Variants in PIEZO2 observed in about 807,000 individuals in gnomAD.
PIEZO2 encodes the protein piezo type mechanosensitive ion channel component 2.
In PIEZO2, 172 loss-of-function variants were observed where a neutral mutation model predicts 337.3. The observed-to-expected ratio is 0.51, with a 90% CI of 0.45 to 0.58. The LOEUF is 0.58. Ranked by LOEUF, PIEZO2 falls within the 20% of genes least tolerant of loss-of-function variation. The probability of loss-of-function intolerance (pLI) is 0.00; values close to 1 mark genes in which losing one functional copy is unlikely to be tolerated. For synonymous variants in PIEZO2, 1,251 were observed against 1,228.5 expected (o/e 1.02, Z -0.38); for missense variants, 3,028 against 3,391.3 (o/e 0.89, Z 2.66).
At chr18:10,798,344 A>T (rs902273837) in intron 11 of PIEZO2, among the ~76,000 whole-genome samples, 9 of 152,340 alleles carry the variant, frequency 5.9e-5, no homozygotes, top group African/African-American at 2.2e-4. Context: ...TTAGCAGCAT[A>T]AAGAGGTATA....
intron 37 of PIEZO2, among the ~76,000 whole-genome samples, chr18:10,717,663 G>T (rs1369960788): frequency 6.6e-6 from 1 of 152,172 alleles, no homozygotes; most frequent in Non-Finnish European, 1.5e-5. Flanking sequence ...ACTGTGGCTG[G>T]ACTGGCAGTT....
In PIEZO2 at chr18:10,766,976, C is replaced by T. The variant is rs1239208680; in HGVS notation, c.2946+3172G>A. ...CAAAAGTTTCCTTCCTTCCTTCCTC[C>T]CACCTTCCATTCCCTCCCCTCCCCT... On this transcript the variant is annotated intron_variant, in intron 21 of 55. Coordinates refer to ENST00000674853, the MANE Select transcript of PIEZO2 (RefSeq NM_001378183.1). The surrounding 1 kb of genome is among the most constrained non-coding windows in gnomAD (Gnocchi z 6.1). Among the ~76,000 whole-genome samples the T allele has an allele frequency of 1.3e-5, 2 of 151,220 alleles. No individual in the cohort carries two copies. Among genetic ancestry groups the T allele is most frequent in the Non-Finnish European group, 3.0e-5 (2 of 67,748 alleles).
At chr18:10,840,035 A>T (rs1237297623) in intron 7 of PIEZO2, among the ~76,000 whole-genome samples, 3 of 152,198 alleles carry the variant, frequency 2.0e-5, no homozygotes, top group Non-Finnish European at 4.4e-5. Context: ...TAATTTCATG[A>T]AATATAGCTA....
chr18:10,916,975 T>G (rs2031026958), intron 3 of PIEZO2, among the ~76,000 whole-genome samples: 1 of 152,196 alleles, frequency 6.6e-6, no homozygotes, highest in Non-Finnish European at 1.5e-5. Context: ...TGATGATGAA[T>G]TCTGGAAGCC....
intron 1 of PIEZO2, among the ~76,000 whole-genome samples, chr18:11,093,818 T>C (rs1303139077): frequency 6.6e-6 from 1 of 152,122 alleles, no homozygotes; most frequent in African/African-American, 2.4e-5. Flanking sequence ...ATCATGAAGG[T>C]AAGTAATGTT....
Position 10,815,880 on chromosome 18 carries a change from G to C in PIEZO2, c.918-8606C>G, listed in dbSNP as rs2040349033. On this transcript the variant is annotated intron_variant, in intron 7 of 55. Coordinates refer to ENST00000674853, the MANE Select transcript of PIEZO2 (RefSeq NM_001378183.1). This position sits in a 1 kb window ranked among gnomAD's most constrained non-coding sequence, Gnocchi z 4.1. ...GAGGTGGAGGCCTAGGTGATGCTTG[G>C]TCCTCTCTTACAGTTCAGTTATTCG... Among the ~76,000 whole-genome samples, 1 of 152,150 alleles carries C rather than the reference G, an allele frequency of 6.6e-6. No individual in the cohort carries two copies. The highest frequency in any genetic ancestry group is 2.4e-5 in the African/African-American group (1 of 41,428).
chr18:10,708,052 C>G (rs917393624), intron 40 of PIEZO2, among the ~76,000 whole-genome samples: 2 of 152,214 alleles, frequency 1.3e-5, no homozygotes, highest in South Asian at 4.2e-4. Context: ...TAAAGAAACT[C>G]CTAACAGACA....
chr18:11,135,004 G>A (rs1490953717), intron 1 of PIEZO2, among the ~76,000 whole-genome samples: 1 of 149,120 alleles, frequency 6.7e-6, no homozygotes, highest in African/African-American at 2.5e-5. Context: ...ACGGTGTTGT[G>A]TAATTGTTAA....
chr18:10,797,159 C>T (rs1436755125), intron 12 of PIEZO2, among the ~76,000 whole-genome samples: 4 of 151,338 alleles, frequency 2.6e-5, no homozygotes, highest in African/African-American at 9.7e-5. Context: ...TCATATTATA[C>T]ATATCATCAT....
chr18:10,755,033 T>C (rs1329891214), intron 27 of PIEZO2, among the ~76,000 whole-genome samples: 3 of 152,142 alleles, frequency 2.0e-5, no homozygotes, highest in Admixed American at 2.0e-4. Flanking sequence ...GCTATCTGTA[T>C]TGGTATATGC....
intron 11 of PIEZO2, among the ~76,000 whole-genome samples, chr18:10,798,804 T>G (rs560942312): frequency 6.6e-6 from 1 of 152,296 alleles, no homozygotes; most frequent in East Asian, 1.9e-4. Flanking sequence ...TGTGTTTGCT[T>G]CTGGTGCTCA....
At chr18:10,817,854 C>T (rs1358888124) in intron 7 of PIEZO2, among the ~76,000 whole-genome samples, 2 of 148,740 alleles carry the variant, frequency 1.3e-5, no homozygotes, top group Middle Eastern at 3.5e-3. Flanking sequence ...ACCCAGGAGG[C>T]GGAGGTTGCA....
rs2039769967 is a variant in PIEZO2, at chr18:11,112,660, A to G, written c.64+35865T>C. Among the ~76,000 whole-genome samples the G allele has an allele frequency of 6.6e-6, 1 of 152,210 alleles. No homozygotes were observed. The highest frequency in any genetic ancestry group is 6.5e-5 in the Admixed American group (1 of 15,288). On this transcript the variant is annotated intron_variant, in intron 1 of 55. Transcript: ENST00000674853. This position sits in a 1 kb window ranked among gnomAD's most constrained non-coding sequence, Gnocchi z 4.3. ...TTAGTCGTAAGTCAACAATTGCCAG[A>G]TTAGGCACAGAAACAAACCTATATA...
rs563359572 is a variant in PIEZO2 at position 10,899,907 on chromosome 18, C to T, written c.329+11279G>A. 6.5e-4 allele frequency among the ~76,000 whole-genome samples: 99 copies of T among 152,148 alleles called. 3 individuals are homozygous for T. In the South Asian group the frequency reaches 0.015, roughly 23 times the overall value. On this transcript the variant is annotated intron_variant, in intron 4 of 55. Coordinates refer to ENST00000674853, the MANE Select transcript of PIEZO2 (RefSeq NM_001378183.1). This position sits in a 1 kb window ranked among gnomAD's most constrained non-coding sequence, Gnocchi z 4.6. ...AGGATCTCATTGTCATTCATTAACT[C>T]GAAGACTGTTTATATTAGTCATAAT...
rs377597495 is a variant in PIEZO2 at position 10,761,904 on chromosome 18, C to A, written c.3249+596G>T. On this transcript the variant is annotated intron_variant, in intron 23 of 55. Coordinates refer to ENST00000674853, the MANE Select transcript of PIEZO2 (RefSeq NM_001378183.1). Reference sequence around the variant, plus strand: ...TCCACAAAAATAAAATGTGAAAAATCTGAAGCATGTTGTTTTCATTATGTT... The same window carrying A: ...TCCACAAAAATAAAATGTGAAAAATATGAAGCATGTTGTTTTCATTATGTT... Among the ~76,000 whole-genome samples the A allele has an allele frequency of 1.7e-4, 26 of 152,286 alleles. No individual in the cohort carries two copies. In the East Asian group the frequency reaches 2.1e-3, roughly 12 times the overall value.
At chr18:10,761,575 A>G (rs1167911143) in intron 23 of PIEZO2, among the ~76,000 whole-genome samples, 2 of 152,232 alleles carry the variant, frequency 1.3e-5, no homozygotes, top group Non-Finnish European at 2.9e-5. Flanking sequence ...CATGCTGACA[A>G]CAGTAAAATA....
chr18:10,789,044 G>C (rs1391425515), intron 15 of PIEZO2, 35 bp downstream of exon 15: 1 of 1,513,074 alleles, frequency 6.6e-7, no homozygotes, highest in South Asian at 1.3e-5. Flanking sequence ...TCCTGGGAGA[G>C]ATGTGAGAAT....
At chr18:10,865,114 G>A (rs1474139369) in intron 5 of PIEZO2, among the ~76,000 whole-genome samples, 1 of 152,128 alleles carries the variant, frequency 6.6e-6, no homozygotes, top group African/African-American at 2.4e-5. Context: ...CAGAGAGAAG[G>A]GCAGGGTGGC....
rs1246038412 is a variant in PIEZO2, at chr18:10,859,264, A to C, written c.493-2053T>G. ...AAGGCTTGGTGGCATGTGCAGAAAG[A>C]GGGTAAGTGTCCCCAGGCCCGTGGC... On this transcript the variant is annotated intron_variant, in intron 5 of 55. Transcript: ENST00000674853. The surrounding 1 kb of genome is among the most constrained non-coding windows in gnomAD (Gnocchi z 4.9). Among the ~76,000 whole-genome samples the C allele has an allele frequency of 1.3e-5, 2 of 152,184 alleles. No homozygotes were observed. Among genetic ancestry groups the C allele is most frequent in the African/African-American group, 4.8e-5 (2 of 41,448 alleles).
Sources: allele counts gnomAD v4.1 joint callset (sites outside exome capture counted in the v4.1 genomes callset), GRCh38; gene constraint gnomAD v4.1.1; non-coding constraint Gnocchi (gnomAD v3.1); transcripts MANE v1.5; gene names NCBI Gene and HGNC (gene_info 2026-07-23, HGNC 2026-07-21).